The following COL11A1 variants were observed in gnomAD, a reference collection of about 807,000 sequenced individuals.
COL11A1 encodes collagen type XI alpha 1 chain.
Under a neutral mutation model 265.2 loss-of-function variants are expected in COL11A1, and 74 were observed. The ratio of observed to expected loss-of-function variants is 0.28; its 90% CI spans 0.23 to 0.34. COL11A1 has a LOEUF of 0.34. Ranked by LOEUF, COL11A1 falls within the 10% of genes least tolerant of loss-of-function variation. The pLI, the probability that COL11A1 is intolerant of heterozygous loss-of-function variation, is 1.00. For synonymous variants in COL11A1, 816 were observed against 727.6 expected (o/e 1.12, Z -1.96); for missense variants, 2,165 against 2,263.6 (o/e 0.96, Z 0.88).
intron 6 of COL11A1, 167 bp downstream of exon 6, chr1:103,026,049 G>T: frequency 7.6e-7 from 1 of 1,316,542 alleles, no homozygotes; most frequent in South Asian, 1.2e-5. Flanking sequence ...AAGTGAAATG[G>T]ACATCATTCT....
At chr1:102,996,113 TACCA>T in intron 26 of COL11A1, 71 bp from the exon 27 acceptor site, 1 of 1,459,646 alleles carries the variant, frequency 6.9e-7, no homozygotes, top group South Asian at 1.2e-5. Context: ...ACTATAATTT[TACCA>T]ACTAATCTAC....
Position 102,993,838 on chromosome 1 carries a change from CATATT to C in COL11A1, c.2340+2021_2340+2025del, listed in dbSNP as rs1372607209. On this transcript the variant is annotated intron_variant, in intron 28 of 66. Coordinates refer to ENST00000370096, the MANE Select transcript of COL11A1 (RefSeq NM_001854.4). ...ATAGGCATGTGCCACTGTGCCCAGT[CATATT>C]ATAATTTTTTAATTTAATTTTTTGT... Among the ~76,000 whole-genome samples the C allele has an allele frequency of 4.6e-5, 7 of 152,236 alleles. No homozygotes were observed. In the East Asian group the frequency reaches 1.4e-3, roughly 29 times the overall value.
intron 30 of COL11A1, among the ~76,000 whole-genome samples, chr1:102,985,429 T>C (rs985501242): frequency 6.6e-6 from 1 of 152,112 alleles, no homozygotes; most frequent in Non-Finnish European, 1.5e-5. Context: ...AAACAAACCC[T>C]AAGAAGCATA....
Position 103,108,492 on chromosome 1 carries a change from T to A in COL11A1, c.-314A>T, listed in dbSNP as rs936666695. ...GCTTCCACCAACAAGCTGAGAGTAC[T>A]GTGTGCCCCTAAAGGCTTCATGCCG... On this transcript the variant is annotated 5_prime_UTR_variant, in exon 1 of 67. Transcript: ENST00000370096. 6.8e-6 allele frequency: 4 copies of A among 589,270 alleles called. No individual in the cohort carries two copies. The highest frequency in any genetic ancestry group is 1.2e-5 in the Non-Finnish European group (4 of 332,054). 36.5% of individuals were successfully genotyped at this position (589,270 alleles called of 1,614,324 possible). A position where few individuals can be genotyped will look rare whatever the true frequency, so the allele number is the denominator to read the frequency against.
At chr1:103,047,036 G>A (rs1669336378) in intron 4 of COL11A1, among the ~76,000 whole-genome samples, 1 of 152,146 alleles carries the variant, frequency 6.6e-6, no homozygotes, top group Non-Finnish European at 1.5e-5. Flanking sequence ...AAGTCAGGTA[G>A]TGGGATGCCT....
Position 102,888,913 on chromosome 1 carries a change from G to T in COL11A1, c.4471C>A (p.Pro1491Thr), listed in dbSNP as rs762071331. ...GGACCTAAGGGACCAGCAGGACCAG[G>T]AATTCCCTAGAGAGAGAATCAGCCA... is the stretch of plus-strand genomic sequence containing the variant. ...SPGAKGDGGI[P>T]GPAGPLGPPG... Residue 1491 changes from proline (P) to threonine (T), a missense_variant, in exon 60 of 67, where the codon CCT (proline) becomes ACT (threonine). Transcript: ENST00000370096. The T allele has an allele frequency of 1.9e-6, 3 of 1,611,858 alleles. No homozygotes were observed. The highest frequency in any genetic ancestry group is 2.5e-6 in the Non-Finnish European group (3 of 1,177,988).
Position 103,070,209 on chromosome 1 carries a change from AAATAATAAT to A in COL11A1, c.651+4400_651+4408del, listed in dbSNP as rs140020554. On this transcript the variant is annotated intron_variant, in intron 4 of 66. Coordinates refer to ENST00000370096, the MANE Select transcript of COL11A1 (RefSeq NM_001854.4). ...CTATGTGTTAAAATCCTACTCAGCA[AAATAATAAT>A]AATAATAATAATAATAATAATATTA... 7.2e-3 allele frequency among the ~76,000 whole-genome samples: 1,031 copies of A among 143,398 alleles called. 17 individuals are homozygous for A. Among genetic ancestry groups the A allele is most frequent in the African/African-American group, 0.023 (899 of 39,502 alleles). The allele number at this position is 143,398 out of a possible 152,430, so 94.1% of individuals were successfully genotyped here. A position where few individuals can be genotyped will look rare whatever the true frequency, so the allele number is the denominator to read the frequency against.
At chr1:102,934,349 C>A in intron 46 of COL11A1, 100 bp downstream of exon 46, 1 of 796,218 alleles carries the variant, frequency 1.3e-6, no homozygotes, top group Non-Finnish European at 2.2e-6. Context: ...CAAGTTCTTA[C>A]GTAGAAAAAA....
At chr1:102,910,842 A>G (rs527808670) in intron 54 of COL11A1, among the ~76,000 whole-genome samples, 16 of 152,274 alleles carry the variant, frequency 1.1e-4, no homozygotes, top group Admixed American at 3.9e-4. Context: ...TCTACTAACC[A>G]CATTATATAG....
At chr1:102,957,875 CAAGAAT>C (rs1010323294) in intron 41 of COL11A1, among the ~76,000 whole-genome samples, 3 of 151,866 alleles carry the variant, frequency 2.0e-5, no homozygotes, top group African/African-American at 2.4e-5. Context: ...TTCCAAGTTG[CAAGAAT>C]AAGAATAACA....
At position 102,888,924 on chromosome 1, in the gene COL11A1, A is replaced by C. The variant is rs750016803; in HGVS notation, c.4465-5T>G. On this transcript the variant is annotated splice_polypyrimidine_tract_variant and splice_region_variant and intron_variant, in intron 59 of 66. Transcript: ENST00000370096. Reference sequence around the variant, plus strand: ...ACCAGCAGGACCAGGAATTCCCTAGAGAGAGAATCAGCCAATTTAAAGGGA... The same window carrying C: ...ACCAGCAGGACCAGGAATTCCCTAGCGAGAGAATCAGCCAATTTAAAGGGA... 3.7e-6 allele frequency: 6 copies of C among 1,610,952 alleles called. No homozygotes were observed. Among genetic ancestry groups the C allele is most frequent in the Admixed American group, 1.7e-5 (1 of 59,960 alleles).
At chr1:102,915,205 C>T (rs113833284) in intron 50 of COL11A1, among the ~76,000 whole-genome samples, 9,022 of 152,236 alleles carry the variant, frequency 0.059, 331 homozygotes, top group Non-Finnish European at 0.085. Flanking sequence ...CAACCCTCCA[C>T]GTTTGAAGAC....
chr1:103,018,222 T>C (rs991861257), intron 10 of COL11A1, among the ~76,000 whole-genome samples: 9 of 152,182 alleles, frequency 5.9e-5, no homozygotes, highest in Non-Finnish European at 1.3e-4. Context: ...AAGTTGAACA[T>C]GTAGAAATCA....
intron 28 of COL11A1, 98 bp from the exon 29 acceptor site, chr1:102,989,669 A>T (rs1366782901): frequency 1.3e-6 from 1 of 777,396 alleles, no homozygotes; most frequent in Non-Finnish European, 2.1e-6. Context: ...AACGAGGGAA[A>T]ATTATTTTTG....
chr1:102,959,460 T>A (rs1660681508), intron 41 of COL11A1, among the ~76,000 whole-genome samples: 1 of 152,142 alleles, frequency 6.6e-6, no homozygotes, highest in Non-Finnish European at 1.5e-5. Flanking sequence ...GAGGGTCACC[T>A]TTTCCACATG....
rs1407358543 is a variant in COL11A1 at position 103,078,763 on chromosome 1, C to A, written c.383G>T (p.Gly128Val). The stretch of plus-strand genomic sequence containing the variant: ...AACAGGTGATCTCCCAACCTCAACA[C>A]CAATTTGCTGAATACCATGCTCATT... Reference protein sequence around the residue: ...IYNEHGIQQIGVEVGRSPVFL... With the variant: ...IYNEHGIQQIVVEVGRSPVFL... Residue 128 changes from glycine to valine, a missense_variant, in exon 3 of 67, where the codon GGT (glycine) becomes GTT (valine). Transcript: ENST00000370096. 1 of 1,613,326 alleles carries A rather than the reference C, an allele frequency of 6.2e-7. No homozygotes were observed. Among genetic ancestry groups the A allele is most frequent in the South Asian group, 1.1e-5 (1 of 91,076 alleles).
intron 4 of COL11A1, among the ~76,000 whole-genome samples, chr1:103,065,636 C>T (rs1321141646): frequency 4.7e-5 from 7 of 147,716 alleles, no homozygotes; most frequent in African/African-American, 1.7e-4. Flanking sequence ...GACATTGAAA[C>T]TCTCAGGAAG....
intron 4 of COL11A1, among the ~76,000 whole-genome samples, chr1:103,055,793 C>T (rs72987827): frequency 0.013 from 2,054 of 152,244 alleles, 46 homozygotes; most frequent in African/African-American, 0.046. Flanking sequence ...CAATGTGGCC[C>T]AGGAAAGCCA....
At chr1:103,021,677 C>A (rs754638275) in intron 9 of COL11A1, 30 bp downstream of exon 9, 14 of 1,510,804 alleles carry the variant, frequency 9.3e-6, no homozygotes, top group Non-Finnish European at 1.2e-5. Flanking sequence ...ATTTTACCAA[C>A]CTTTAAAGTG....
Sources: allele counts gnomAD v4.1 joint callset (sites outside exome capture counted in the v4.1 genomes callset), GRCh38; gene constraint gnomAD v4.1.1; transcripts MANE v1.5; gene names NCBI Gene and HGNC (gene_info 2026-07-23, HGNC 2026-07-21).